RRM2: variants seen among roughly 807,000 people sequenced by gnomAD.
RRM2 encodes ribonucleoside-diphosphate reductase subunit M2.
RRM2 carries 6 observed loss-of-function variants against 45.9 expected under a neutral mutation model. The ratio of observed to expected loss-of-function variants is 0.13; its 90% CI spans 0.07 to 0.26. The LOEUF is 0.26. Ranked by LOEUF, RRM2 falls within the 10% of genes least tolerant of loss-of-function variation. RRM2 has a pLI of 1.00. For synonymous variants in RRM2, 177 were observed against 173.0 expected (o/e 1.02, Z -0.18); for missense variants, 343 against 489.5 (o/e 0.70, Z 2.82).
chr2:10,170,953 G>A (rs1663792597), intron 3 of RRM2, among the ~76,000 whole-genome samples: 1 of 152,236 alleles, frequency 6.6e-6, no homozygotes, highest in African/African-American at 2.4e-5. Context: ...TGACAGAGAG[G>A]GGGCTTGTCC....
At position 10,126,934 on chromosome 2, in the gene RRM2, CCTTGCGCTGGATTGGGGA is replaced by C; in HGVS notation, c.631_648del (p.Leu211_Asp216del). 6.2e-7 allele frequency: 1 copy of C among 1,614,108 alleles called. No homozygotes were observed. The highest frequency in any genetic ancestry group is 1.1e-5 in the South Asian group (1 of 91,072). Reference sequence around the variant, plus strand: ...TGTGTCAAGAAGAAGGCAGACTGGGCCTTGCGCTGGATTGGGGACAAAGAGGCTACCTATGGTAAGGAG... The same window carrying C: ...TGTGTCAAGAAGAAGGCAGACTGGGCCAAAGAGGCTACCTATGGTAAGGAG... On this transcript the variant is annotated inframe_deletion, in exon 6 of 10. Coordinates refer to ENST00000304567, the MANE Select transcript of RRM2 (RefSeq NM_001034.4).
intron 3 of RRM2, among the ~76,000 whole-genome samples, chr2:10,175,162 A>C (rs998912809): frequency 1.3e-5 from 2 of 152,246 alleles, no homozygotes; most frequent in Non-Finnish European, 2.9e-5. Context: ...CATACTCTGC[A>C]CCGACCACCT....
In RRM2 at chr2:10,171,005, G is replaced by A. The variant is rs895331227; in HGVS notation, n.482+28630G>A. ...GGGGCTGCAAGCTCCTTTGAGATGC[G>A]GGGCTCAGGCCTCATCAGGGGAAAC... On this transcript the variant is annotated intron_variant and non_coding_transcript_variant, in intron 3 of 3. Transcript: ENST00000381786. The surrounding 1 kb of genome is among the most constrained non-coding windows in gnomAD (Gnocchi z 4.1). 1.1e-4 allele frequency among the ~76,000 whole-genome samples: 16 copies of A among 152,326 alleles called. No individual in the cohort carries two copies. Among genetic ancestry groups the A allele is most frequent in the Admixed American group, 7.2e-4 (11 of 15,310 alleles).
downstream of RRM2, among the ~76,000 whole-genome samples, chr2:10,132,558 A>T (rs954243964): frequency 1.3e-5 from 2 of 152,200 alleles, no homozygotes; most frequent in African/African-American, 2.4e-5. Flanking sequence ...ATCTGTCTTT[A>T]TATTTATAAG....
In RRM2 at chr2:10,200,435, G is replaced by A. The variant is rs368674664; in HGVS notation, n.483-9876G>A. On this transcript the variant is annotated intron_variant and non_coding_transcript_variant, in intron 3 of 3. Transcript: ENST00000381786. The stretch of plus-strand genomic sequence containing the variant: ...AATATGAGGCCCACAGGGACCGCGC[G>A]CGCAAAATATGAGGCCCACAGGGAC... Among the ~76,000 whole-genome samples, 605 of 116,610 alleles carry A rather than the reference G, an allele frequency of 5.2e-3. 6 individuals carry two copies. The highest frequency in any genetic ancestry group is 0.017 in the Middle Eastern group (4 of 232). The allele number at this position is 116,610 out of a possible 152,430, so 76.5% of individuals were successfully genotyped here.
chr2:10,199,686 G>A (rs1475086858), intron 3 of RRM2, among the ~76,000 whole-genome samples: 13 of 147,626 alleles, frequency 8.8e-5, no homozygotes, highest in African/African-American at 2.3e-4. Context: ...AGGCTGAGGC[G>A]GGAGAATGGC....
chr2:10,176,390 T>A (rs946149387), intron 3 of RRM2, among the ~76,000 whole-genome samples: 3 of 152,174 alleles, frequency 2.0e-5, no homozygotes, highest in African/African-American at 7.2e-5. Flanking sequence ...TGCCTCAGCC[T>A]CCCAAGTCGC....
In RRM2 at chr2:10,129,642, G is replaced by A; in HGVS notation, c.*256G>A. The A allele has an allele frequency of 2.1e-6, 1 of 482,694 alleles. No individual in the cohort carries two copies. The highest frequency in any genetic ancestry group is 3.8e-5 in the Admixed American group (1 of 26,384). 29.9% of individuals were successfully genotyped at this position (482,694 alleles called of 1,614,324 possible). On this transcript the variant is annotated 3_prime_UTR_variant, in exon 10 of 10. Transcript: ENST00000304567. This position sits in a 1 kb window ranked among gnomAD's most constrained non-coding sequence, Gnocchi z 4.8. ...GGCAGTCTTGGCTTTAAAGTGAGGG[G>A]TGACCCTTTAGTGAGCTTAGCACAG...
intron 3 of RRM2, among the ~76,000 whole-genome samples, chr2:10,170,407 C>T (rs1663775149): frequency 6.6e-6 from 1 of 152,010 alleles, no homozygotes; most frequent in African/African-American, 2.4e-5. Context: ...ATCAGACGGT[C>T]CCTGGCTCGT....
chr2:10,195,087 CCCTTGG>C lies in RRM2; in HGVS notation n.483-15217_483-15212del, dbSNP rs113672458. On this transcript the variant is annotated intron_variant and non_coding_transcript_variant, in intron 3 of 3. Transcript: ENST00000381786. This position sits in a 1 kb window ranked among gnomAD's most constrained non-coding sequence, Gnocchi z 4.9. Reference sequence around the variant, plus strand: ...GGTTTAATCTAAAATTCATTCTGATCCCTTGGCCTTGGAAAAGGCACTTAGCAGGGT... The same window carrying C: ...GGTTTAATCTAAAATTCATTCTGATCCCTTGGAAAAGGCACTTAGCAGGGT... Among the ~76,000 whole-genome samples, 23,248 of 151,938 alleles carry C rather than the reference CCCTTGG, an allele frequency of 0.15. 2,765 individuals are homozygous for C. The highest frequency in any genetic ancestry group is 0.32 in the East Asian group (1,664 of 5,142).
intron 3 of RRM2, among the ~76,000 whole-genome samples, chr2:10,146,485 T>A (rs914741681): frequency 6.6e-6 from 1 of 152,244 alleles, no homozygotes; most frequent in Non-Finnish European, 1.5e-5. Flanking sequence ...GTGTCTCCCC[T>A]CTGTCCCCAC....
chr2:10,210,564 A>G (rs1572541206), exon 4 of RRM2: 1 of 1,366,218 alleles, frequency 7.3e-7, no homozygotes, highest in Non-Finnish European at 9.8e-7. Flanking sequence ...GAGCAGGTGG[A>G]CCCACCATTC....
intron 4 of RRM2, chr2:10,124,208 C>T (rs1180448507): frequency 7.5e-6 from 2 of 265,546 alleles, no homozygotes; most frequent in Non-Finnish European, 1.5e-5. Flanking sequence ...TGGGTTCAAG[C>T]GATTCCCCAA....
At chr2:10,122,640 G>T, upstream of RRM2, 1 of 1,543,946 alleles carries the variant, frequency 6.5e-7, no homozygotes, top group Non-Finnish European at 8.8e-7. Context: ...CGGAGGCATG[G>T]CACAGCCAAT....
intron 3 of RRM2, among the ~76,000 whole-genome samples, chr2:10,151,805 G>A (rs1214194479): frequency 6.6e-6 from 1 of 152,158 alleles, no homozygotes; most frequent in Admixed American, 6.5e-5. Flanking sequence ...CCCTCCGAGT[G>A]GGTGTCTAGT....
intron 3 of RRM2, among the ~76,000 whole-genome samples, chr2:10,156,799 C>T (rs1227914598): frequency 6.6e-6 from 1 of 152,122 alleles, no homozygotes; most frequent in Non-Finnish European, 1.5e-5. Context: ...CCACCACACC[C>T]GGCTACTTTT....
intron 4 of RRM2, 157 bp downstream of exon 4, chr2:10,124,009 C>T (rs940977753): frequency 3.1e-6 from 2 of 655,378 alleles, no homozygotes; most frequent in Admixed American, 5.0e-5. Context: ...TAACACTTTG[C>T]AGTTCTTTCT....
chr2:10,141,119 A>C (rs1663071087), upstream of RRM2, among the ~76,000 whole-genome samples: 1 of 152,086 alleles, frequency 6.6e-6, no homozygotes, highest in African/African-American at 2.4e-5. Flanking sequence ...GTTGCTTAGG[A>C]GCTTGGGATT....
intron 3 of RRM2, among the ~76,000 whole-genome samples, chr2:10,156,921 G>A (rs1572506784): frequency 6.6e-6 from 1 of 151,846 alleles, no homozygotes; most frequent in African/African-American, 2.4e-5. Context: ...TGGGATTATA[G>A]GCTTCAGCCA....
Sources: gnomAD v4.1 joint callset for allele counts (sites outside exome capture counted in the v4.1 genomes callset) on GRCh38, gnomAD v4.1.1 for gene constraint, Gnocchi (gnomAD v3.1) non-coding constraint, MANE v1.5 for transcripts, NCBI Gene and HGNC (gene_info 2026-07-23, HGNC 2026-07-21) for gene names.